STK33: variants seen among roughly 807,000 people sequenced by gnomAD.
STK33 encodes the protein serine/threonine kinase 33.
A neutral mutation model predicts 58.0 loss-of-function variants in STK33; 52 were observed. That is an observed-to-expected ratio of 0.90 (90% CI 0.72 to 1.13). The LOEUF is 1.13. STK33 is among the 50% of genes most tolerant of loss of function. The probability of loss-of-function intolerance (pLI) is 0.00; values close to 1 mark genes in which losing one functional copy is unlikely to be tolerated. For synonymous variants in STK33, 215 were observed against 200.1 expected, an observed-to-expected ratio of 1.07 and a Z score of -0.63; for missense variants, 630 against 604.2, an observed-to-expected ratio of 1.04 and a Z score of -0.45.
chr11:8,535,226 C>G (rs952004257), intron 1 of STK33, among the ~76,000 whole-genome samples: 7 of 152,106 alleles, frequency 4.6e-5, no homozygotes, highest in Non-Finnish European at 8.8e-5. Flanking sequence ...GGGCTTATTT[C>G]TAAAATGTTA....
At chr11:8,411,938 T>C (rs1940318894) in intron 15 of STK33, among the ~76,000 whole-genome samples, 1 of 152,180 alleles carries the variant, frequency 6.6e-6, no homozygotes, top group Admixed American at 6.5e-5. Flanking sequence ...ATCATAAGTT[T>C]CATTAATTTG....
intron 1 of STK33, among the ~76,000 whole-genome samples, chr11:8,592,287 T>C (rs1160228851): frequency 2.0e-5 from 3 of 151,998 alleles, no homozygotes; most frequent in Non-Finnish European, 4.4e-5. Context: ...AAGATAAAAA[T>C]CAAACAATTA....
the STK33 span, among the ~76,000 whole-genome samples, chr11:8,382,170 C>T: frequency 2.4e-4 from 36 of 152,310 alleles, no homozygotes; most frequent in South Asian, 6.2e-4. Context: ...CGAGGAACAT[C>T]GGAGGACCGC....
intron 1 of STK33, among the ~76,000 whole-genome samples, chr11:8,585,370 G>A (rs1026063533): frequency 1.3e-5 from 2 of 149,308 alleles, no homozygotes; most frequent in Non-Finnish European, 3.0e-5. Flanking sequence ...GACTACAGGC[G>A]CCCACTACTA....
chr11:8,546,328 C>T (rs1013241606), intron 1 of STK33, among the ~76,000 whole-genome samples: 1 of 152,114 alleles, frequency 6.6e-6, no homozygotes, highest in African/African-American at 2.4e-5. Flanking sequence ...ATGATAATTG[C>T]ACATATTTAT....
At position 8,474,949 on chromosome 11, in the gene STK33, T is replaced by C. The variant is rs763429178; in HGVS notation, c.-44A>G. Reference sequence around the variant, plus strand: ...AAAGCAACTTTAAAAATGTTTCCACTGTTTGAGGAAGAAAACCAGGCCAAA... The same window carrying C: ...AAAGCAACTTTAAAAATGTTTCCACCGTTTGAGGAAGAAAACCAGGCCAAA... On this transcript the variant is annotated 5_prime_UTR_variant, in exon 5 of 16. Coordinates refer to ENST00000687296, the MANE Select transcript of STK33 (RefSeq NM_001352389.2). The C allele has an allele frequency of 1.3e-6, 2 of 1,521,996 alleles. No homozygotes were observed. Among genetic ancestry groups the C allele is most frequent in the East Asian group, 4.6e-5 (2 of 43,740 alleles). 94.3% of individuals were successfully genotyped at this position (1,521,996 alleles called of 1,614,324 possible).
intron 6 of STK33, among the ~76,000 whole-genome samples, chr11:8,470,820 C>T (rs1948709849): frequency 6.6e-6 from 1 of 152,162 alleles, no homozygotes; most frequent in African/African-American, 2.4e-5. Context: ...TATATGGGTG[C>T]AATTTGTGAC....
intron 14 of STK33, among the ~76,000 whole-genome samples, chr11:8,434,626 A>AC: frequency 6.6e-6 from 1 of 151,486 alleles, no homozygotes; most frequent in Non-Finnish European, 1.5e-5. Context: ...TCTGTGAGCT[A>AC]TTATGGTTCC....
At chr11:8,463,642 C>A (rs183263208) in intron 7 of STK33, among the ~76,000 whole-genome samples, 3 of 152,196 alleles carry the variant, frequency 2.0e-5, no homozygotes, top group Admixed American at 6.5e-5. Context: ...CTCACCCCTT[C>A]CCAAATGGCT....
intron 1 of STK33, among the ~76,000 whole-genome samples, chr11:8,577,308 A>C (rs1958258628): frequency 6.6e-6 from 1 of 152,186 alleles, no homozygotes; most frequent in Admixed American, 6.5e-5. Context: ...ATGGATTCTA[A>C]GAAACAAAAA....
At chr11:8,462,910 AT>A (rs1017199577) in intron 7 of STK33, among the ~76,000 whole-genome samples, 2 of 152,190 alleles carry the variant, frequency 1.3e-5, no homozygotes, top group African/African-American at 2.4e-5. Flanking sequence ...TAATAAAAAA[AT>A]CTCCCTGCAA....
At chr11:8,478,436 T>G (rs764767543) in intron 2 of STK33, among the ~76,000 whole-genome samples, 6 of 152,204 alleles carry the variant, frequency 3.9e-5, no homozygotes, top group Non-Finnish European at 8.8e-5. Context: ...ACTTAACTAA[T>G]ACATGAGCCT....
At chr11:8,353,689 G>C in the STK33 span, among the ~76,000 whole-genome samples, 1 of 152,178 alleles carries the variant, frequency 6.6e-6, no homozygotes, top group Non-Finnish European at 1.5e-5. Context: ...CTCAAATAGA[G>C]GGGGTCTTCC....
the STK33 span, among the ~76,000 whole-genome samples, chr11:8,361,093 C>A: frequency 2.0e-5 from 3 of 152,168 alleles, no homozygotes; most frequent in Non-Finnish European, 4.4e-5. This position sits in a 1 kb window ranked among gnomAD's most constrained non-coding sequence, Gnocchi z 4.8. Flanking sequence ...ATGTATACCT[C>A]AAGAGAGAGG....
chr11:8,523,931 A>G (rs1329715564), intron 1 of STK33, among the ~76,000 whole-genome samples: 1 of 152,214 alleles, frequency 6.6e-6, no homozygotes, highest in Non-Finnish European at 1.5e-5. Flanking sequence ...GTCTGTGTGG[A>G]AAGAAGCAGA....
the STK33 span, among the ~76,000 whole-genome samples, chr11:8,339,826 C>T: frequency 1.6e-4 from 25 of 152,228 alleles, no homozygotes; most frequent in Non-Finnish European, 2.5e-4. Flanking sequence ...AACCTCTTCC[C>T]GGGTCTCCTT....
At chr11:8,336,341 T>C in the STK33 span, among the ~76,000 whole-genome samples, 49,744 of 152,168 alleles carry the variant, frequency 0.33, 8,291 homozygotes, top group South Asian at 0.42. Context: ...GGTGGGACAA[T>C]GGCAGCACAA....
chr11:8,406,789 A>G (rs1425183751), intron 15 of STK33, among the ~76,000 whole-genome samples: 1 of 152,142 alleles, frequency 6.6e-6, no homozygotes, highest in African/African-American at 2.4e-5. Flanking sequence ...AAGTAAAGAC[A>G]GTTTTATTCT....
At chr11:8,527,568 G>A (rs1370654885) in intron 1 of STK33, among the ~76,000 whole-genome samples, 3 of 152,102 alleles carry the variant, frequency 2.0e-5, no homozygotes, top group Non-Finnish European at 4.4e-5. Context: ...TCACAAGTAA[G>A]CTGTTCCCAT....
Sources: allele counts gnomAD v4.1 joint callset (sites outside exome capture counted in the v4.1 genomes callset), GRCh38; gene constraint gnomAD v4.1.1; non-coding constraint Gnocchi (gnomAD v3.1); transcripts MANE v1.5; gene names NCBI Gene and HGNC (gene_info 2026-07-23, HGNC 2026-07-21).